The following XKR9 variants were observed in gnomAD, a reference collection of about 807,000 sequenced individuals.
XKR9 encodes XK-related protein 9.
XKR9 carries 32 observed loss-of-function variants against 32.0 expected under a neutral mutation model. That is an observed-to-expected ratio of 1.00 (90% CI 0.76 to 1.34). The LOEUF (loss-of-function observed/expected upper bound fraction) is 1.34, where lower values mean the gene tolerates loss of function less well. Ranked by LOEUF, XKR9 falls within the 40% of genes most tolerant of loss-of-function variation. XKR9 has a pLI of 0.00. For synonymous variants in XKR9, 168 were observed against 143.4 expected, an observed-to-expected ratio of 1.17 and a Z score of -1.22; for missense variants, 546 against 429.7, an observed-to-expected ratio of 1.27 and a Z score of -2.39.
Position 70,717,802 on chromosome 8 carries a change from T to C in XKR9, c.493+10649T>C, listed in dbSNP as rs887671547. Among the ~76,000 whole-genome samples the C allele has an allele frequency of 3.9e-5, 6 of 152,240 alleles. No homozygotes were observed. The East Asian group carries it at 7.7e-4, about 20-fold the overall frequency. On this transcript the variant is annotated intron_variant, in intron 4 of 4. Coordinates refer to ENST00000408926, the MANE Select transcript of XKR9 (RefSeq NM_001011720.2). ...TGTCTGCTCAGAAAATGAATTTTTCTTTTTTTACAGCATTGTCAGGCTGCA... is the reference window on the plus strand; with the variant it reads ...TGTCTGCTCAGAAAATGAATTTTTCCTTTTTTACAGCATTGTCAGGCTGCA...
At chr8:71,014,830 A>G in the XKR9 span, among the ~76,000 whole-genome samples, 2 of 152,148 alleles carry the variant, frequency 1.3e-5, no homozygotes. Flanking sequence ...GTTCAGGGGC[A>G]TTACTGGTTG....
chr8:70,699,492 A>C (rs1168545649), intron 3 of XKR9, among the ~76,000 whole-genome samples: 5 of 152,138 alleles, frequency 3.3e-5, no homozygotes, highest in Admixed American at 2.6e-4. Context: ...CTTTTCTTTC[A>C]GAATGTTGAA....
the XKR9 span, among the ~76,000 whole-genome samples, chr8:70,809,163 C>A: frequency 6.6e-6 from 1 of 152,232 alleles, no homozygotes; most frequent in Non-Finnish European, 1.5e-5. Context: ...GCAGCCACTG[C>A]TGCTGATACC....
the XKR9 span, among the ~76,000 whole-genome samples, chr8:71,018,759 G>C: frequency 1.1e-4 from 16 of 152,140 alleles, no homozygotes; most frequent in African/African-American, 3.9e-4. Flanking sequence ...TAGGGAAAAA[G>C]ATGACTTTCT....
At chr8:71,006,137 A>G in the XKR9 span, among the ~76,000 whole-genome samples, 1 of 152,232 alleles carries the variant, frequency 6.6e-6, no homozygotes, top group Non-Finnish European at 1.5e-5. Flanking sequence ...ACTGAGTGAA[A>G]GTTAAATGGC....
At chr8:70,994,581 ATAAG>A in the XKR9 span, among the ~76,000 whole-genome samples, 1 of 152,044 alleles carries the variant, frequency 6.6e-6, no homozygotes, top group Non-Finnish European at 1.5e-5. Flanking sequence ...TATGATAGGC[ATAAG>A]TGTTACTTGA....
At chr8:70,940,802 C>T in the XKR9 span, among the ~76,000 whole-genome samples, 2 of 151,956 alleles carry the variant, frequency 1.3e-5, no homozygotes, top group Admixed American at 1.3e-4. Flanking sequence ...TTTCCCCTTC[C>T]CACTTCTACC....
intron 2 of XKR9, among the ~76,000 whole-genome samples, chr8:70,772,636 CTT>C (rs1807468472): frequency 6.6e-6 from 1 of 152,098 alleles, no homozygotes; most frequent in African/African-American, 2.4e-5. Context: ...TTGTAGTTCT[CTT>C]TATTGTGGTA....
the XKR9 span, among the ~76,000 whole-genome samples, chr8:70,927,036 TATTTATGTATAAGATACATTTTATAA>T: frequency 6.6e-6 from 1 of 151,726 alleles, no homozygotes; most frequent in Non-Finnish European, 1.5e-5. Flanking sequence ...GAGGTAGGTG[TATTTATGTATAAGATACATTTTATAA>T]AATGTATCTT....
At chr8:70,908,959 C>T in the XKR9 span, among the ~76,000 whole-genome samples, 2 of 152,266 alleles carry the variant, frequency 1.3e-5, no homozygotes, top group South Asian at 2.1e-4. Flanking sequence ...TTCAGGAGGT[C>T]TGTATGTTGT....
chr8:70,698,300 C>T (rs1400282916), intron 3 of XKR9, among the ~76,000 whole-genome samples: 2 of 151,906 alleles, frequency 1.3e-5, no homozygotes, highest in Non-Finnish European at 2.9e-5. Flanking sequence ...TTGATCTTTC[C>T]TGCTTTCTCT....
At chr8:71,039,415 G>A in the XKR9 span, among the ~76,000 whole-genome samples, 3 of 152,260 alleles carry the variant, frequency 2.0e-5, no homozygotes, top group South Asian at 4.1e-4. Context: ...TTATAATAAA[G>A]TGTTGCATAT....
the XKR9 span, among the ~76,000 whole-genome samples, chr8:70,844,007 AG>A: frequency 6.6e-6 from 1 of 152,188 alleles, no homozygotes; most frequent in Admixed American, 6.5e-5. Flanking sequence ...GTGGAATGTC[AG>A]GCTTCCCAGC....
the XKR9 span, among the ~76,000 whole-genome samples, chr8:71,009,236 G>A: frequency 3.3e-5 from 5 of 152,202 alleles, no homozygotes; most frequent in East Asian, 3.8e-4. Flanking sequence ...CCCATGGGCC[G>A]CATGCAGCCC....
At chr8:70,740,735 A>T (rs539069197), downstream of XKR9, among the ~76,000 whole-genome samples, 60 of 152,354 alleles carry the variant, frequency 3.9e-4, no homozygotes, top group African/African-American at 1.4e-3. Flanking sequence ...GGTCCACTCC[A>T]GACCCTGTTT....
At chr8:71,047,742 T>C in the XKR9 span, among the ~76,000 whole-genome samples, 7 of 152,230 alleles carry the variant, frequency 4.6e-5, no homozygotes, top group South Asian at 4.1e-4. Context: ...CAGCACCTTG[T>C]CTAGGTCCTA....
the XKR9 span, among the ~76,000 whole-genome samples, chr8:70,938,839 T>C: frequency 6.6e-6 from 1 of 152,038 alleles, no homozygotes; most frequent in African/African-American, 2.4e-5. Flanking sequence ...TCATCTCTAG[T>C]ATCTCCATGT....
the XKR9 span, among the ~76,000 whole-genome samples, chr8:70,846,640 A>G: frequency 6.6e-6 from 1 of 152,192 alleles, no homozygotes; most frequent in South Asian, 2.1e-4. Context: ...ACAGAAACTC[A>G]CTTCACCTAT....
chr8:70,855,479 A>G, the XKR9 span, among the ~76,000 whole-genome samples: 1 of 152,194 alleles, frequency 6.6e-6, no homozygotes, highest in Non-Finnish European at 1.5e-5. Context: ...GGACTATGTG[A>G]AAAGACCAAA....
Sources: allele counts gnomAD v4.1 joint callset (sites outside exome capture counted in the v4.1 genomes callset), GRCh38; gene constraint gnomAD v4.1.1; transcripts MANE v1.5; gene names NCBI Gene and HGNC (gene_info 2026-07-23, HGNC 2026-07-21).